The following DGKB variants were observed in gnomAD, a reference collection of about 807,000 sequenced individuals.
DGKB encodes diacylglycerol kinase beta.
A neutral mutation model predicts 114.3 loss-of-function variants in DGKB; 67 were observed. The ratio of observed to expected loss-of-function variants is 0.59; its 90% confidence interval spans 0.48 to 0.72. DGKB has a LOEUF of 0.72. Ranked by LOEUF, DGKB falls within the 30% of genes least tolerant of loss-of-function variation. DGKB has a pLI of 0.00. For synonymous variants in DGKB, 398 were observed against 323.1 expected, an observed-to-expected ratio of 1.23 and a Z score of -2.49; for missense variants, 907 against 975.2, an observed-to-expected ratio of 0.93 and a Z score of 0.93.
At chr7:14,586,454 C>A in intron 17 of DGKB, among the ~76,000 whole-genome samples, 1 of 152,116 alleles carries the variant, frequency 6.6e-6, no homozygotes, top group East Asian at 1.9e-4. Flanking sequence ...GTATAAACAG[C>A]AAGTGCTGAG....
intron 17 of DGKB, among the ~76,000 whole-genome samples, chr7:14,589,935 A>AT (rs138750942): frequency 0.18 from 27,712 of 150,544 alleles, 3,157 homozygotes; most frequent in East Asian, 0.33. Flanking sequence ...CCATTTTACG[A>AT]TTTTTTGTGG....
chr7:14,533,333 G>T (rs1345953892), intron 20 of DGKB, among the ~76,000 whole-genome samples: 1 of 151,636 alleles, frequency 6.6e-6, no homozygotes, highest in Non-Finnish European at 1.5e-5. Flanking sequence ...CAGGTCATTT[G>T]AAATTCTCCG....
intron 25 of DGKB, among the ~76,000 whole-genome samples, chr7:14,169,224 G>A (rs911241500): frequency 6.6e-6 from 1 of 151,744 alleles, no homozygotes. Flanking sequence ...AATTAGCCAG[G>A]TGTGGTGGCG....
intron 2 of DGKB, among the ~76,000 whole-genome samples, chr7:14,811,489 C>A (rs948527782): frequency 1.3e-5 from 2 of 151,948 alleles, no homozygotes; most frequent in Non-Finnish European, 1.5e-5. Context: ...AGATGAAAAC[C>A]CATGCTTCTC....
At chr7:14,466,972 T>C (rs944449537) in intron 21 of DGKB, among the ~76,000 whole-genome samples, 1 of 152,146 alleles carries the variant, frequency 6.6e-6, no homozygotes, top group Non-Finnish European at 1.5e-5. Flanking sequence ...CAAAGCACAT[T>C]TCTTGGACTA....
At chr7:14,536,889 A>G (rs1792600047) in intron 20 of DGKB, among the ~76,000 whole-genome samples, 1 of 152,102 alleles carries the variant, frequency 6.6e-6, no homozygotes. Flanking sequence ...AAATAAAATA[A>G]TATCTGTTTG....
chr7:14,648,215 G>T (rs1278518313), intron 13 of DGKB, among the ~76,000 whole-genome samples: 1 of 152,212 alleles, frequency 6.6e-6, no homozygotes, highest in East Asian at 1.9e-4. Context: ...CAAAAAGACA[G>T]CAGTAACCTC....
intron 2 of DGKB, among the ~76,000 whole-genome samples, chr7:14,761,223 T>C (rs1835646555): frequency 6.6e-6 from 1 of 152,162 alleles, no homozygotes; most frequent in Non-Finnish European, 1.5e-5. Flanking sequence ...TCTCTAAGGC[T>C]GAGGCCCTGA....
At chr7:14,599,974 T>G (rs1396680844) in intron 17 of DGKB, among the ~76,000 whole-genome samples, 3 of 152,202 alleles carry the variant, frequency 2.0e-5, no homozygotes, top group Non-Finnish European at 2.9e-5. Flanking sequence ...ACAGATTACT[T>G]TAGTTCATTT....
At position 14,962,636 on chromosome 7, in the gene DGKB, T is replaced by TTGTGTG. The variant is rs71004348; in HGVS notation, c.-188+12054_-188+12059dup. Among the ~76,000 whole-genome samples the TTGTGTG allele has an allele frequency of 6.3e-3, 892 of 142,026 alleles. 4 individuals carry two copies. The highest frequency in any genetic ancestry group is 0.011 in the African/African-American group (426 of 39,578). The allele number at this position is 142,026 out of a possible 152,430, so 93.2% of individuals were successfully genotyped here. A position where few individuals can be genotyped will look rare whatever the true frequency, so the allele number is the denominator to read the frequency against. On this transcript the variant is annotated intron_variant, in intron 1 of 4. Transcript: ENST00000437998. The stretch of plus-strand genomic sequence containing the variant: ...GCTATAGCTGTGTGTGTGTGTGTGT[T>TTGTGTG]TGTGTGTGTGTGTGTGTGTGTGTGT...
intron 23 of DGKB, among the ~76,000 whole-genome samples, chr7:14,291,881 A>G (rs189975505): frequency 1.9e-4 from 29 of 152,240 alleles, no homozygotes; most frequent in African/African-American, 6.7e-4. Context: ...ATTTTAGACA[A>G]CAAGGCAAAC....
chr7:14,888,222 G>A (rs1222241281), intron 1 of DGKB, among the ~76,000 whole-genome samples: 1 of 151,650 alleles, frequency 6.6e-6, no homozygotes, highest in East Asian at 1.9e-4. Context: ...ATAGCAGATG[G>A]TAATGGCTAA....
intron 21 of DGKB, among the ~76,000 whole-genome samples, chr7:14,418,327 G>GTATA (rs1020426338): frequency 1.3e-5 from 1 of 75,570 alleles, no homozygotes; most frequent in African/African-American, 4.2e-5. Context: ...ATGTATATAT[G>GTATA]TATATATATA....
chr7:14,587,288 T>C (rs1385882525), intron 17 of DGKB, among the ~76,000 whole-genome samples: 1 of 151,942 alleles, frequency 6.6e-6, no homozygotes, highest in Non-Finnish European at 1.5e-5. Flanking sequence ...CAGCAAAAAG[T>C]AGAATTGTAA....
At chr7:14,510,651 T>A (rs1193772499) in intron 20 of DGKB, among the ~76,000 whole-genome samples, 1 of 152,166 alleles carries the variant, frequency 6.6e-6, no homozygotes, top group Non-Finnish European at 1.5e-5. Context: ...TAAATGTCCT[T>A]AATAGCATCT....
intron 13 of DGKB, 64 bp downstream of exon 13, chr7:14,672,865 G>T: frequency 1.1e-6 from 1 of 900,266 alleles, no homozygotes; most frequent in Non-Finnish European, 1.7e-6. Context: ...AGCTTTTAAT[G>T]GTATACGATA....
intron 2 of DGKB, among the ~76,000 whole-genome samples, chr7:14,819,692 GAC>G (rs1844644151): frequency 6.6e-6 from 1 of 152,068 alleles, no homozygotes; most frequent in Admixed American, 6.6e-5. Context: ...AAAAATCTGA[GAC>G]ACAGAGATGA....
intron 1 of DGKB, among the ~76,000 whole-genome samples, chr7:14,914,529 A>G (rs1015219323): frequency 1.2e-4 from 19 of 152,174 alleles, no homozygotes; most frequent in African/African-American, 4.8e-5. Context: ...TCCTAGCCAC[A>G]TTGACATAAA....
rs529504532 is a variant in DGKB, at chr7:14,257,270, C to G, written c.2123-79119G>C. On this transcript the variant is annotated intron_variant, in intron 23 of 25. Coordinates refer to ENST00000402815, the MANE Select transcript of DGKB (RefSeq NM_001350709.2). The stretch of plus-strand genomic sequence containing the variant: ...ATATTAGTTCTAGGCTTTCTGTTAC[C>G]TGAACACGAAATGCATTTACGATTT... 5.3e-5 allele frequency among the ~76,000 whole-genome samples: 8 copies of G among 152,046 alleles called. No individual in the cohort carries two copies. The South Asian group carries it at 1.7e-3, about 32-fold the overall frequency.
Sources: gnomAD v4.1 joint callset for allele counts (sites outside exome capture counted in the v4.1 genomes callset) on GRCh38, gnomAD v4.1.1 for gene constraint, MANE v1.5 for transcripts, NCBI Gene and HGNC (gene_info 2026-07-23, HGNC 2026-07-21) for gene names.